The following PAPPA variants were observed in gnomAD, a reference collection of about 807,000 sequenced individuals.
PAPPA encodes the protein pappalysin-1.
Under a neutral mutation model 164.0 loss-of-function variants are expected in PAPPA, and 60 were observed. The ratio of observed to expected loss-of-function variants is 0.37; its 90% CI spans 0.30 to 0.45. The LOEUF (loss-of-function observed/expected upper bound fraction) is 0.45, where lower values mean the gene tolerates loss of function less well. Among genes scored for constraint, PAPPA ranks in the 20% least tolerant of loss-of-function variants. The pLI is 1.00. For missense variants in PAPPA, 1,782 were observed against 2,087.3 expected (o/e 0.85, Z 2.85); for synonymous variants, 875 against 814.1 (o/e 1.07, Z -1.27).
chr9:116,395,775 G>A (rs959678881), intron 21 of PAPPA, among the ~76,000 whole-genome samples: 3 of 152,174 alleles, frequency 2.0e-5, no homozygotes, highest in Admixed American at 6.5e-5. Context: ...ACCACCATGC[G>A]ATCTATTCCC....
At chr9:116,188,385 T>A (rs766204580) in intron 2 of PAPPA, among the ~76,000 whole-genome samples, 169 bp downstream of exon 2, 14 of 152,172 alleles carry the variant, frequency 9.2e-5, no homozygotes, top group Non-Finnish European at 1.8e-4. Flanking sequence ...AGACCATAGG[T>A]AAACCCAGTT....
chr9:116,227,156 G>A (rs1002818513), intron 5 of PAPPA, among the ~76,000 whole-genome samples: 1 of 152,230 alleles, frequency 6.6e-6, no homozygotes, highest in Non-Finnish European at 1.5e-5. Context: ...TGCAGGTGGT[G>A]AGACTTCAGC....
In PAPPA at chr9:116,314,664, G is replaced by T. The variant is rs770693135; in HGVS notation, c.3147+11714G>T. Among the ~76,000 whole-genome samples the T allele has an allele frequency of 7.9e-4, 120 of 152,144 alleles. 3 individuals carry two copies. The highest frequency in any genetic ancestry group is 2.1e-4 in the Non-Finnish European group (14 of 68,018). On this transcript the variant is annotated intron_variant, in intron 10 of 21. Coordinates refer to ENST00000328252, the MANE Select transcript of PAPPA (RefSeq NM_002581.5). Reference sequence around the variant, plus strand: ...ACTATTGCCTAAGGGGCACGTTCCAGGCAGTATGGACCAACTTGCAATTTC... The same window carrying T: ...ACTATTGCCTAAGGGGCACGTTCCATGCAGTATGGACCAACTTGCAATTTC...
intron 3 of PAPPA, among the ~76,000 whole-genome samples, 168 bp from the exon 4 acceptor site, chr9:116,211,471 C>A (rs894541648): frequency 1.3e-5 from 2 of 152,194 alleles, no homozygotes; most frequent in Non-Finnish European, 2.9e-5. Context: ...TCTGATAAGT[C>A]ATGATTCATG....
intron 9 of PAPPA, among the ~76,000 whole-genome samples, chr9:116,300,555 G>A (rs932407722): frequency 3.9e-5 from 6 of 152,212 alleles, no homozygotes; most frequent in African/African-American, 4.8e-5. Context: ...TTACAGGCAT[G>A]AGCCACTGTG....
chr9:116,311,020 A>C (rs2118906916), intron 10 of PAPPA, among the ~76,000 whole-genome samples: 1 of 151,574 alleles, frequency 6.6e-6, no homozygotes, highest in South Asian at 2.1e-4. Flanking sequence ...AGTTTTGGCA[A>C]CTGAGGAACA....
intron 21 of PAPPA, among the ~76,000 whole-genome samples, chr9:116,395,502 G>C (rs1383528001): frequency 1.3e-5 from 2 of 152,218 alleles, no homozygotes; most frequent in Non-Finnish European, 2.9e-5. Context: ...CAAATGTCAT[G>C]ATGCAATGAG....
chr9:116,358,380 G>A (rs1222880329), intron 17 of PAPPA, among the ~76,000 whole-genome samples: 1 of 152,194 alleles, frequency 6.6e-6, no homozygotes, highest in African/African-American at 2.4e-5. Flanking sequence ...AGAGACAAAT[G>A]ATTCACAGCA....
intron 7 of PAPPA, among the ~76,000 whole-genome samples, chr9:116,237,557 A>C (rs1037868030): frequency 1.3e-5 from 2 of 152,186 alleles, no homozygotes; most frequent in African/African-American, 4.8e-5. Context: ...AACTGAATAA[A>C]TGAAAGAACC....
chr9:116,180,739 G>A (rs1843895172), intron 1 of PAPPA, among the ~76,000 whole-genome samples: 1 of 152,112 alleles, frequency 6.6e-6, no homozygotes, highest in African/African-American at 2.4e-5. Context: ...ATAATTTTAT[G>A]TTGACTTAAA....
intron 1 of PAPPA, among the ~76,000 whole-genome samples, chr9:116,167,366 G>A (rs1843729471): frequency 6.6e-6 from 1 of 152,078 alleles, no homozygotes; most frequent in Admixed American, 6.6e-5. Context: ...TGTTTTATTT[G>A]TATTATTTTT....
rs1843995419 is a variant in PAPPA, at chr9:116,187,925, A to T, written c.1187A>T (p.Asp396Val). 1 of 1,614,024 alleles carries T rather than the reference A, an allele frequency of 6.2e-7. No individual in the cohort carries two copies. Among genetic ancestry groups the T allele is most frequent in the Non-Finnish European group, 8.5e-7 (1 of 1,180,052 alleles). ...CAATACAACATCTCCTGGGAGCTGG[A>T]CGTGCTGGAGGTGAGCAACTCCTCC... ...FKQYNISWELDVLEVSNSSLR... is the reference protein window; with the variant it reads ...FKQYNISWELVVLEVSNSSLR... Residue 396 changes from aspartate to valine, a missense_variant, in exon 2 of 22, where the codon GAC becomes GTC. Coordinates refer to ENST00000328252, the MANE Select transcript of PAPPA (RefSeq NM_002581.5). This position sits in a 1 kb window ranked among gnomAD's most constrained non-coding sequence, Gnocchi z 4.2.
chr9:116,276,882 G>A (rs539474961), intron 9 of PAPPA, among the ~76,000 whole-genome samples: 7 of 152,248 alleles, frequency 4.6e-5, no homozygotes, highest in African/African-American at 9.6e-5. Flanking sequence ...GAGAAGAATC[G>A]GTCTGCCTCC....
At chr9:116,235,818 G>A (rs1164497711) in intron 7 of PAPPA, among the ~76,000 whole-genome samples, 181 bp downstream of exon 7, 1 of 152,142 alleles carries the variant, frequency 6.6e-6, no homozygotes, top group East Asian at 1.9e-4. Context: ...CATGGGAAGA[G>A]CAATAGGGAA....
At chr9:116,361,272 A>G (rs1171422175) in intron 17 of PAPPA, among the ~76,000 whole-genome samples, 1 of 152,204 alleles carries the variant, frequency 6.6e-6, no homozygotes, top group African/African-American at 2.4e-5. Context: ...TCATCTTATT[A>G]TAAGCCTGAA....
At chr9:116,220,778 T>C (rs1039874911) in intron 5 of PAPPA, among the ~76,000 whole-genome samples, 3 of 150,974 alleles carry the variant, frequency 2.0e-5, no homozygotes, top group African/African-American at 7.3e-5. Context: ...CCCAGCTACA[T>C]GGGAGGCTGA....
In PAPPA at chr9:116,199,442, G is replaced by A. The variant is rs76789370; in HGVS notation, c.1479-8014G>A. Among the ~76,000 whole-genome samples, 321 of 152,292 alleles carry A rather than the reference G, an allele frequency of 2.1e-3. 2 individuals carry two copies. Among genetic ancestry groups the A allele is most frequent in the African/African-American group, 7.5e-3 (311 of 41,556 alleles). ...AACTCAGCATCAGATTTTTCCCCAT[G>A]TGTGAATACCACTACTTCTTATATA... On this transcript the variant is annotated intron_variant, in intron 2 of 21. Transcript: ENST00000328252.
At chr9:116,193,066 T>C (rs1844062578) in intron 2 of PAPPA, among the ~76,000 whole-genome samples, 1 of 152,220 alleles carries the variant, frequency 6.6e-6, no homozygotes, top group Non-Finnish European at 1.5e-5. Context: ...TGTTGTCTCA[T>C]AAGGAAACAT....
intron 10 of PAPPA, among the ~76,000 whole-genome samples, chr9:116,327,354 T>C (rs1336713945): frequency 6.6e-6 from 1 of 151,772 alleles, no homozygotes; most frequent in African/African-American, 2.4e-5. Flanking sequence ...AATGTGCAGA[T>C]TGGGAAGGGG....
Sources: allele counts gnomAD v4.1 joint callset (sites outside exome capture counted in the v4.1 genomes callset), GRCh38; gene constraint gnomAD v4.1.1; non-coding constraint Gnocchi (gnomAD v3.1); transcripts MANE v1.5; gene names NCBI Gene and HGNC (gene_info 2026-07-23, HGNC 2026-07-21).